KCNH8: variants seen among roughly 807,000 people sequenced by gnomAD.
KCNH8 encodes the protein voltage-gated delayed rectifier potassium channel KCNH8.
In KCNH8, 70 loss-of-function variants were observed where a neutral mutation model predicts 103.6. That is an observed-to-expected ratio of 0.68 (90% CI 0.56 to 0.82). The LOEUF (loss-of-function observed/expected upper bound fraction) is 0.82. KCNH8 is among the 40% of genes least tolerant of loss of function. KCNH8 has a pLI of 0.00. For missense variants in KCNH8, 1,217 were observed against 1,329.9 expected, an observed-to-expected ratio of 0.92 and a Z score of 1.32; for synonymous variants, 498 against 489.4, an observed-to-expected ratio of 1.02 and a Z score of -0.23.
chr3:19,512,892 T>C (rs1324188603), intron 12 of KCNH8, 78 bp from the exon 13 acceptor site: 1 of 1,261,764 alleles, frequency 7.9e-7, no homozygotes, highest in Non-Finnish European at 1.1e-6. Context: ...TTTGTTCTAA[T>C]GAGACCTCCA....
rs561244128 is a variant in KCNH8, at chr3:19,517,110, C to T, written c.2543-888C>T. On this transcript the variant is annotated intron_variant, in intron 14 of 15. Coordinates refer to ENST00000328405, the MANE Select transcript of KCNH8 (RefSeq NM_144633.3). ...TACAAGCATGAGCCACCATGCCTGG[C>T]CTACTTTTTAAATGTTTATTTTTCC... is the stretch of plus-strand genomic sequence containing the variant. Among the ~76,000 whole-genome samples, 4 of 152,022 alleles carry T rather than the reference C, an allele frequency of 2.6e-5. No individual in the cohort carries two copies. In the South Asian group the frequency reaches 8.3e-4, roughly 32 times the overall value.
At chr3:19,169,255 C>CTTTTTT (rs768036667) in intron 1 of KCNH8, among the ~76,000 whole-genome samples, 67 of 124,956 alleles carry the variant, frequency 5.4e-4, no homozygotes, top group African/African-American at 1.5e-3. Context: ...TTCTTTCTTT[C>CTTTTTT]TTTTTTTTTT....
intron 11 of KCNH8, among the ~76,000 whole-genome samples, chr3:19,457,366 G>A (rs778740102): frequency 1.3e-5 from 2 of 151,898 alleles, no homozygotes; most frequent in Non-Finnish European, 2.9e-5. Context: ...TACTCCAATT[G>A]CTTGACATAG....
At chr3:19,207,079 G>A (rs1005746857) in intron 1 of KCNH8, among the ~76,000 whole-genome samples, 1 of 151,886 alleles carries the variant, frequency 6.6e-6, no homozygotes, top group Non-Finnish European at 1.5e-5. Context: ...AGATTTGGGT[G>A]TTGTTAGTAA....
At chr3:19,352,211 A>G (rs1440812499) in intron 5 of KCNH8, among the ~76,000 whole-genome samples, 1 of 152,208 alleles carries the variant, frequency 6.6e-6, no homozygotes, top group Non-Finnish European at 1.5e-5. Context: ...CACACAATAC[A>G]TGAGCATCCA....
chr3:19,258,943 C>CTATA (rs1352620384), intron 2 of KCNH8, among the ~76,000 whole-genome samples: 87 of 53,366 alleles, frequency 1.6e-3, no homozygotes, highest in African/African-American at 2.4e-3. Flanking sequence ...CTCTCTCTCT[C>CTATA]TCTCTATATA....
At chr3:19,456,729 CTT>C (rs747180293) in intron 10 of KCNH8, 37 bp from the exon 11 acceptor site, 81 of 1,106,216 alleles carry the variant, frequency 7.3e-5, no homozygotes, top group Non-Finnish European at 8.7e-5. Flanking sequence ...CCTAAGCTTG[CTT>C]TTTTTTTTTG....
chr3:19,404,281 C>G (rs2066659276), intron 7 of KCNH8, among the ~76,000 whole-genome samples: 1 of 151,940 alleles, frequency 6.6e-6, no homozygotes, highest in Admixed American at 6.6e-5. Context: ...CTCCAAAGAG[C>G]TGTTGCTTTC....
chr3:19,396,786 C>T (rs1340094609), intron 7 of KCNH8, among the ~76,000 whole-genome samples: 1 of 151,998 alleles, frequency 6.6e-6, no homozygotes. Flanking sequence ...AAGGCTTCCT[C>T]ATCACATCAT....
chr3:19,530,653 A>G (rs2069144888), intron 15 of KCNH8, among the ~76,000 whole-genome samples: 1 of 152,130 alleles, frequency 6.6e-6, no homozygotes, highest in Admixed American at 6.6e-5. Context: ...AGATGACGCT[A>G]TTTACTTAAT....
intron 1 of KCNH8, among the ~76,000 whole-genome samples, chr3:19,196,770 G>A (rs981627804): frequency 6.6e-6 from 1 of 151,940 alleles, no homozygotes; most frequent in Non-Finnish European, 1.5e-5. Flanking sequence ...TGATTATCTT[G>A]TTAATTAATA....
At chr3:19,261,074 A>G (rs1394707797) in intron 2 of KCNH8, among the ~76,000 whole-genome samples, 1 of 150,676 alleles carries the variant, frequency 6.6e-6, no homozygotes, top group Non-Finnish European at 1.5e-5. Context: ...TGCTGCAATG[A>G]ACATGGGAGT....
At chr3:19,404,545 T>A (rs2066662883) in intron 7 of KCNH8, among the ~76,000 whole-genome samples, 1 of 151,974 alleles carries the variant, frequency 6.6e-6, no homozygotes, top group African/African-American at 2.4e-5. Context: ...GTGTAGTTGT[T>A]AAGATCATGG....
chr3:19,419,633 T>C (rs576013270), intron 7 of KCNH8, among the ~76,000 whole-genome samples: 48 of 152,152 alleles, frequency 3.2e-4, no homozygotes, highest in African/African-American at 1.0e-3. Flanking sequence ...TCAGGAAAGA[T>C]AGAAACAAAA....
chr3:19,503,949 A>C (rs1243049457), intron 11 of KCNH8, among the ~76,000 whole-genome samples: 1 of 151,916 alleles, frequency 6.6e-6, no homozygotes, highest in Non-Finnish European at 1.5e-5. Flanking sequence ...ATAATAAAGA[A>C]AATTACTTTC....
chr3:19,247,182 T>G (rs1009953973), intron 1 of KCNH8, among the ~76,000 whole-genome samples: 1 of 152,178 alleles, frequency 6.6e-6, no homozygotes, highest in East Asian at 1.9e-4. Context: ...TTTTACAAAT[T>G]TTTAATCTGC....
At chr3:19,167,016 G>A (rs115111272) in intron 1 of KCNH8, among the ~76,000 whole-genome samples, 8,205 of 152,216 alleles carry the variant, frequency 0.054, 700 homozygotes, top group African/African-American at 0.18. Flanking sequence ...GCATTATTAG[G>A]TATTGTGGTA....
chr3:19,196,811 T>G (rs1356003684), intron 1 of KCNH8, among the ~76,000 whole-genome samples: 1 of 152,086 alleles, frequency 6.6e-6, no homozygotes, highest in Non-Finnish European at 1.5e-5. Flanking sequence ...ACCTATATGC[T>G]TTATGTTTGT....
chr3:19,257,596 T>G (rs1428361197), intron 2 of KCNH8, among the ~76,000 whole-genome samples: 1 of 152,098 alleles, frequency 6.6e-6, no homozygotes, highest in African/African-American at 2.4e-5. Flanking sequence ...AACATGTCTA[T>G]CCTCTCTACA....
Sources: allele counts gnomAD v4.1 joint callset (sites outside exome capture counted in the v4.1 genomes callset), GRCh38; gene constraint gnomAD v4.1.1; transcripts MANE v1.5; gene names NCBI Gene and HGNC (gene_info 2026-07-23, HGNC 2026-07-21).